The following RLN2 variants were observed in gnomAD, a reference collection of about 807,000 sequenced individuals.
RLN2 encodes the protein relaxin 2.
In RLN2, 10 loss-of-function variants were observed where a neutral mutation model predicts 7.3. The observed-to-expected ratio is 1.36, with a 90% confidence interval of 0.84 to 2.31. The LOEUF is 2.31. Among genes scored for constraint, RLN2 ranks in the 30% most tolerant of loss-of-function variants. The pLI is 0.00. For synonymous variants in RLN2, 103 were observed against 82.3 expected (o/e 1.25, Z -1.36); for missense variants, 298 against 217.6 (o/e 1.37, Z -2.32).
chr9:5,309,286 A>C (rs1288394261), upstream of RLN2, among the ~76,000 whole-genome samples: 2 of 152,034 alleles, frequency 1.3e-5, no homozygotes, highest in Non-Finnish European at 2.9e-5. Flanking sequence ...CTCTCTGCTC[A>C]GCGTTGATAG....
chr9:5,315,892 A>G, the RLN2 span, among the ~76,000 whole-genome samples: 1 of 152,120 alleles, frequency 6.6e-6, no homozygotes, highest in Non-Finnish European at 1.5e-5. Flanking sequence ...TCCCCAGACA[A>G]ACAAAAGAAG....
chr9:5,328,475 A>C, the RLN2 span, among the ~76,000 whole-genome samples: 7 of 152,194 alleles, frequency 4.6e-5, no homozygotes, highest in South Asian at 1.5e-3. Context: ...GAACCAAGTT[A>C]GAAAACACTC....
At chr9:5,324,283 C>T in the RLN2 span, among the ~76,000 whole-genome samples, 66 of 152,042 alleles carry the variant, frequency 4.3e-4, no homozygotes, top group African/African-American at 1.5e-3. Context: ...AGGAAAATTA[C>T]GCATAATCCC....
chr9:5,301,039 G>A (rs1219774558), intron 1 of RLN2, among the ~76,000 whole-genome samples: 1 of 152,148 alleles, frequency 6.6e-6, no homozygotes, highest in African/African-American at 2.4e-5. Context: ...GTCTTCCCCA[G>A]AGTATTTACT....
the RLN2 span, among the ~76,000 whole-genome samples, chr9:5,317,438 T>A: frequency 7.2e-6 from 1 of 139,532 alleles, no homozygotes; most frequent in Non-Finnish European, 1.5e-5. Context: ...GGCAACAGAG[T>A]GAGACTCTGT....
chr9:5,320,067 C>A, the RLN2 span, among the ~76,000 whole-genome samples: 4 of 151,072 alleles, frequency 2.6e-5, no homozygotes, highest in African/African-American at 9.8e-5. Flanking sequence ...TTCACTGCAA[C>A]CTCTGCCTCC....
chr9:5,306,953 AG>A (rs1457512095), upstream of RLN2, among the ~76,000 whole-genome samples: 2 of 152,036 alleles, frequency 1.3e-5, no homozygotes, highest in Non-Finnish European at 2.9e-5. Context: ...TTTCTGGGAA[AG>A]CCTTTATTTC....
chr9:5,306,106 T>A (rs1293380574), upstream of RLN2, among the ~76,000 whole-genome samples: 1 of 140,466 alleles, frequency 7.1e-6, no homozygotes, highest in Non-Finnish European at 1.5e-5. Context: ...GTTTTTGTTT[T>A]TTGTTTTTTT....
chr9:5,308,730 G>C (rs924370377), upstream of RLN2, among the ~76,000 whole-genome samples: 4 of 152,074 alleles, frequency 2.6e-5, no homozygotes, highest in African/African-American at 9.7e-5. Context: ...GCCTCACATG[G>C]CCTGACCACA....
the RLN2 span, among the ~76,000 whole-genome samples, chr9:5,324,583 T>G: frequency 6.6e-6 from 1 of 151,936 alleles, no homozygotes; most frequent in Non-Finnish European, 1.5e-5. Context: ...GAATTTAACA[T>G]CATAAACCTA....
the RLN2 span, among the ~76,000 whole-genome samples, chr9:5,333,298 A>C: frequency 2.7e-5 from 4 of 150,156 alleles, no homozygotes; most frequent in African/African-American, 5.0e-5. Flanking sequence ...AAGAAGAAAA[A>C]GGAGAAGATT....
intron 1 of RLN2, among the ~76,000 whole-genome samples, chr9:5,301,104 CA>C (rs1236687480): frequency 6.6e-6 from 1 of 152,134 alleles, no homozygotes; most frequent in Non-Finnish European, 1.5e-5. Flanking sequence ...GAACACTAAC[CA>C]AAAATCACTG....
In RLN2 at chr9:5,300,452, ATTT is replaced by A; in HGVS notation, c.212-11_212-9del. On this transcript the variant is annotated splice_polypyrimidine_tract_variant and intron_variant, in intron 1 of 1. Transcript: ENST00000381627. ...TGAAGGATGGCACAATTTCTGTTAAATTTAAAAAAAAAGGTGTATGTGAGGGTA... is the reference window on the plus strand; with the variant it reads ...TGAAGGATGGCACAATTTCTGTTAAAAAAAAAAAAGGTGTATGTGAGGGTA... 6.3e-7 allele frequency: 1 copy of A among 1,582,320 alleles called. No homozygotes were observed. The highest frequency in any genetic ancestry group is 1.8e-5 in the Admixed American group (1 of 55,136).
intron 1 of RLN2, among the ~76,000 whole-genome samples, chr9:5,301,094 G>T (rs1251885329): frequency 6.6e-6 from 1 of 152,178 alleles, no homozygotes; most frequent in East Asian, 1.9e-4. Flanking sequence ...TGGGTTAAAA[G>T]AACACTAACC....
At chr9:5,329,309 C>CA in the RLN2 span, among the ~76,000 whole-genome samples, 978 of 53,060 alleles carry the variant, frequency 0.018, 60 homozygotes, top group African/African-American at 0.04. Flanking sequence ...GACTCCATCT[C>CA]AAAAAAAAAA....
rs1586931349 is a variant in RLN2 at position 5,304,545 on chromosome 9, G to C, written c.36C>G (p.Val12=). ...TGGAAAATTGGTTCAGTAGTAAACA[G>C]ACTCCTAGCAGGTGGAAAAAAAACA... ...PRLFFFHLLG[V]CLLLNQFSRA... Residue 12 remains valine, a synonymous_variant, in exon 1 of 2, where the codon GTC becomes GTG. Transcript: ENST00000381627. The C allele has an allele frequency of 6.2e-7, 1 of 1,613,876 alleles. No homozygotes were observed. Among genetic ancestry groups the C allele is most frequent in the Non-Finnish European group, 8.5e-7 (1 of 1,179,918 alleles).
In RLN2 at chr9:5,300,206, G is replaced by C. The variant is rs1827128727; in HGVS notation, c.450C>G (p.Tyr150Ter). 6 of 1,613,938 alleles carry C rather than the reference G, an allele frequency of 3.7e-6. No homozygotes were observed. Among genetic ancestry groups the C allele is most frequent in the East Asian group, 2.2e-5 (1 of 44,870 alleles). The change falls in exon 2 of 2, where the codon TAC becomes TAG. Residue 150 changes from tyrosine (Y) to a stop codon, truncating the protein, a stop_gained. Coordinates refer to ENST00000381627, the MANE Select transcript of RLN2 (RefSeq NM_134441.3). LOFTEE classifies it low-confidence loss of function (END_TRUNC). ...TTCGAGAATGAGTATCCAAGCCTAAGTATTTTAATTCTGAAGGACTGCTGT... is the reference window on the plus strand; with the variant it reads ...TTCGAGAATGAGTATCCAAGCCTAACTATTTTAATTCTGAAGGACTGCTGT... Reference protein sequence around the residue: ...AADSSPSELKYLGLDTHSRKK... With the variant: ...AADSSPSELK
At chr9:5,311,785 A>C in the RLN2 span, 2 of 748,818 alleles carry the variant, frequency 2.7e-6, no homozygotes, top group Non-Finnish European at 4.5e-6. Flanking sequence ...TTTTTTATCA[A>C]GTTTTATAAA....
the RLN2 span, among the ~76,000 whole-genome samples, chr9:5,328,196 A>C: frequency 1.3e-5 from 2 of 152,010 alleles, no homozygotes; most frequent in East Asian, 3.9e-4. Flanking sequence ...ACTAGAATAA[A>C]CAGTGTAGAG....
Sources: gnomAD v4.1 joint callset for allele counts (sites outside exome capture counted in the v4.1 genomes callset) on GRCh38, gnomAD v4.1.1 for gene constraint, MANE v1.5 for transcripts, NCBI Gene and HGNC (gene_info 2026-07-23, HGNC 2026-07-21) for gene names.